Variants in FHIT observed in about 807,000 individuals in gnomAD.
FHIT encodes the protein bis(5'-adenosyl)-triphosphatase.
In FHIT, 19 loss-of-function variants were observed where a neutral mutation model predicts 17.9. That is an observed-to-expected ratio of 1.06 (90% CI 0.74 to 1.56). FHIT has a LOEUF of 1.56. FHIT is among the 40% of genes most tolerant of loss of function. The pLI is 0.00. For missense variants in FHIT, 248 were observed against 189.2 expected (o/e 1.31, Z -1.82); for synonymous variants, 81 against 69.7 (o/e 1.16, Z -0.81).
intron 5 of FHIT, among the ~76,000 whole-genome samples, chr3:60,197,227 C>G (rs529530660): frequency 1.8e-4 from 28 of 152,124 alleles, no homozygotes; most frequent in African/African-American, 5.8e-4. Context: ...ACATGTGGCT[C>G]TTGTCAATGT....
intron 3 of FHIT, among the ~76,000 whole-genome samples, chr3:60,829,334 T>G (rs1221486412): frequency 6.6e-6 from 1 of 152,214 alleles, no homozygotes; most frequent in Non-Finnish European, 1.5e-5. Flanking sequence ...CTGGAATGCT[T>G]TCTCTGGTCA....
chr3:59,860,939 C>T (rs1225541078), intron 8 of FHIT, among the ~76,000 whole-genome samples: 4 of 152,040 alleles, frequency 2.6e-5, no homozygotes, highest in African/African-American at 4.8e-5. Flanking sequence ...CCATAGAACC[C>T]GAAAGATCTC....
At chr3:60,110,270 A>G (rs1310766167) in intron 5 of FHIT, among the ~76,000 whole-genome samples, 1 of 152,204 alleles carries the variant, frequency 6.6e-6, no homozygotes, top group Non-Finnish European at 1.5e-5. Context: ...TTCAGTATAA[A>G]TCTCTAAGCA....
At chr3:60,080,728 A>T (rs1479748126) in intron 5 of FHIT, 2 of 152,202 alleles carry the variant, frequency 1.3e-5, no homozygotes, top group Non-Finnish European at 2.9e-5. Context: ...GAGCATTTAC[A>T]AAGAAGGGAG....
At chr3:61,205,196 C>G (rs1353199677) in intron 1 of FHIT, among the ~76,000 whole-genome samples, 1 of 151,990 alleles carries the variant, frequency 6.6e-6, no homozygotes, top group East Asian at 1.9e-4. Context: ...GTATATGTGC[C>G]ACATTTTCTT....
intron 5 of FHIT, among the ~76,000 whole-genome samples, chr3:60,352,674 T>A (rs923726693): frequency 7.9e-5 from 12 of 152,192 alleles, no homozygotes; most frequent in South Asian, 4.2e-4. Context: ...GGTAATTTTT[T>A]AAAATTTTTA....
At chr3:60,125,020 T>C (rs1178440665) in intron 5 of FHIT, among the ~76,000 whole-genome samples, 1 of 152,216 alleles carries the variant, frequency 6.6e-6, no homozygotes, top group Non-Finnish European at 1.5e-5. Context: ...TCTTACAGAA[T>C]AGATATAGCT....
At chr3:59,903,749 T>C (rs1227470966) in intron 8 of FHIT, among the ~76,000 whole-genome samples, 2 of 152,050 alleles carry the variant, frequency 1.3e-5, no homozygotes, top group Admixed American at 6.6e-5. Context: ...AGTGAAAAGG[T>C]GGGAATAATT....
At chr3:60,259,874 G>C (rs1469599709) in intron 5 of FHIT, among the ~76,000 whole-genome samples, 1 of 152,012 alleles carries the variant, frequency 6.6e-6, no homozygotes, top group Non-Finnish European at 1.5e-5. Flanking sequence ...CCAACTCAGG[G>C]AGTGTGAACT....
chr3:61,109,444 G>A (rs1576030175), intron 2 of FHIT, among the ~76,000 whole-genome samples: 1 of 152,122 alleles, frequency 6.6e-6, no homozygotes, highest in South Asian at 2.1e-4. Flanking sequence ...TTGCCAGGTA[G>A]AGACTGTCAC....
intron 5 of FHIT, among the ~76,000 whole-genome samples, chr3:60,299,121 G>C (rs971216258): frequency 6.6e-6 from 1 of 152,140 alleles, no homozygotes; most frequent in African/African-American, 2.4e-5. Flanking sequence ...TGATCCATTT[G>C]TGTAGAGTCA....
At chr3:60,757,078 CATT>C (rs1420886610) in intron 4 of FHIT, among the ~76,000 whole-genome samples, 12 of 152,056 alleles carry the variant, frequency 7.9e-5, no homozygotes, top group Non-Finnish European at 1.3e-4. Context: ...TCAACTCTGT[CATT>C]AGTAAGTATA....
At chr3:60,794,962 C>G (rs1700925060) in intron 4 of FHIT, among the ~76,000 whole-genome samples, 1 of 152,206 alleles carries the variant, frequency 6.6e-6, no homozygotes, top group Non-Finnish European at 1.5e-5. Flanking sequence ...TACCTGTCTT[C>G]CAGCTGCCTA....
At chr3:59,930,524 G>A (rs995938332) in intron 7 of FHIT, among the ~76,000 whole-genome samples, 2 of 152,084 alleles carry the variant, frequency 1.3e-5, no homozygotes, top group African/African-American at 2.4e-5. Context: ...TATGGCCAAG[G>A]AGCAGCTCAT....
intron 3 of FHIT, among the ~76,000 whole-genome samples, chr3:60,939,214 AATTG>A (rs1708313946): frequency 6.6e-6 from 1 of 152,180 alleles, no homozygotes; most frequent in African/African-American, 2.4e-5. Flanking sequence ...GTAATACCAT[AATTG>A]ATTCTCTTGC....
chr3:61,151,562 ATTCTT>A (rs2037389532), intron 2 of FHIT, among the ~76,000 whole-genome samples: 1 of 130,140 alleles, frequency 7.7e-6, no homozygotes, highest in East Asian at 2.7e-4. Context: ...GGCTTGTGAT[ATTCTT>A]TTCTTTTCTT....
chr3:60,824,438 C>A (rs1702042766), intron 3 of FHIT, among the ~76,000 whole-genome samples: 1 of 152,136 alleles, frequency 6.6e-6, no homozygotes, highest in Admixed American at 6.5e-5. Flanking sequence ...ATATTAGCAA[C>A]AGGTTTAACA....
At chr3:60,029,523 C>T (rs987649290) in intron 5 of FHIT, among the ~76,000 whole-genome samples, 31 of 152,094 alleles carry the variant, frequency 2.0e-4, no homozygotes, top group South Asian at 2.1e-4. Flanking sequence ...AGAGCAGACC[C>T]GTCGTCATAT....
intron 5 of FHIT, among the ~76,000 whole-genome samples, chr3:60,300,527 C>T (rs1034133306): frequency 6.6e-6 from 1 of 151,934 alleles, no homozygotes; most frequent in African/African-American, 2.4e-5. Flanking sequence ...TTTGTTTTTT[C>T]CTGTAAGATG....
Sources: allele counts gnomAD v4.1 joint callset (sites outside exome capture counted in the v4.1 genomes callset), GRCh38; gene constraint gnomAD v4.1.1; transcripts MANE v1.5; gene names NCBI Gene and HGNC (gene_info 2026-07-23, HGNC 2026-07-21).